Variants in TG observed in about 807,000 individuals in gnomAD.
TG encodes the protein thyroid hormones.
Under a neutral mutation model 324.7 loss-of-function variants are expected in TG, and 270 were observed. The observed-to-expected ratio is 0.83, with a 90% CI of 0.75 to 0.92. TG has a LOEUF of 0.92. TG is among the 40% of genes least tolerant of loss of function. The probability of loss-of-function intolerance (pLI) is 0.00; values close to 1 mark genes in which losing one functional copy is unlikely to be tolerated. For missense variants in TG, 3,591 were observed against 3,456.4 expected (o/e 1.04, Z -0.98); for synonymous variants, 1,401 against 1,327.0 (o/e 1.06, Z -1.21).
At chr8:132,937,957 A>T (rs1414056818) in intron 25 of TG, among the ~76,000 whole-genome samples, 1 of 152,158 alleles carries the variant, frequency 6.6e-6, no homozygotes, top group African/African-American at 2.4e-5. Context: ...AAAGCAGAAG[A>T]TGTGCCCGGC....
chr8:132,963,214 C>A, intron 29 of TG, 140 bp downstream of exon 29: 1 of 864,326 alleles, frequency 1.2e-6, no homozygotes, highest in Non-Finnish European at 1.9e-6. Context: ...ATCTTTTAAC[C>A]CAATTATCCA....
chr8:133,016,608 T>C (rs765630735), intron 37 of TG, among the ~76,000 whole-genome samples: 1 of 152,224 alleles, frequency 6.6e-6, no homozygotes, highest in Non-Finnish European at 1.5e-5. Context: ...GCAGAAAGGC[T>C]TTGTCTGTCA....
chr8:133,118,716 T>C (rs1265696886), intron 45 of TG, among the ~76,000 whole-genome samples: 1 of 152,122 alleles, frequency 6.6e-6, no homozygotes, highest in East Asian at 1.9e-4. Flanking sequence ...ACAGAGGAAG[T>C]GTGTCTCACA....
intron 35 of TG, among the ~76,000 whole-genome samples, chr8:133,009,590 T>C (rs1362524589): frequency 6.6e-6 from 1 of 151,996 alleles, no homozygotes; most frequent in Admixed American, 6.6e-5. Flanking sequence ...TGCATCCTCC[T>C]CAAATTTGTA....
At chr8:132,969,368 C>A in intron 31 of TG, 90 bp from the exon 32 acceptor site, 1 of 919,214 alleles carries the variant, frequency 1.1e-6, no homozygotes. Context: ...TAATTGGAAA[C>A]TTTCAGTCTG....
chr8:133,055,994 A>G (rs996144177), intron 41 of TG, among the ~76,000 whole-genome samples: 1 of 152,088 alleles, frequency 6.6e-6, no homozygotes, highest in Non-Finnish European at 1.5e-5. Context: ...GTATGAGGAA[A>G]TAGAGGCACA....
chr8:132,878,356 C>T (rs2467991), intron 5 of TG, among the ~76,000 whole-genome samples: 23,312 of 151,882 alleles, frequency 0.15, 1,995 homozygotes, highest in East Asian at 0.28. Context: ...CTGGCTCACA[C>T]CTGTAATCCC....
At chr8:133,004,191 G>GT (rs58997424) in intron 35 of TG, among the ~76,000 whole-genome samples, 73,174 of 151,794 alleles carry the variant, frequency 0.48, 19,293 homozygotes, top group African/African-American at 0.7. Context: ...CTCCTCCAAG[G>GT]CTTAGGGCCT....
At chr8:132,979,562 C>A (rs199730987) in intron 34 of TG, among the ~76,000 whole-genome samples, 39 of 152,200 alleles carry the variant, frequency 2.6e-4, no homozygotes, top group Admixed American at 7.2e-4. Flanking sequence ...TAACCTTTTA[C>A]TAAGCATAAA....
At chr8:132,922,520 A>G (rs571804064) in intron 21 of TG, among the ~76,000 whole-genome samples, 9 of 152,234 alleles carry the variant, frequency 5.9e-5, no homozygotes, top group Non-Finnish European at 1.0e-4. Flanking sequence ...TGTGAAGGAG[A>G]GGTGTGGGTC....
rs143929015 is a variant in TG, at chr8:132,897,671, C to A, written c.3024C>A (p.Arg1008=). 1.4e-5 allele frequency: 22 copies of A among 1,614,118 alleles called. No homozygotes were observed. The highest frequency in any genetic ancestry group is 1.7e-5 in the Non-Finnish European group (20 of 1,180,054). ...CAGCCTTAAGCTTCTATCAGAGACG[C>A]CGCTTTTCCCCGGACGACTCGGCTG... is the stretch of plus-strand genomic sequence containing the variant. The part of the protein sequence containing the change: ...AQSTLSFYQR[R]RFSPDDSAGA... The change falls in exon 12 of 48, where the codon CGC becomes CGA. Residue 1008 remains arginine, a synonymous_variant. Coordinates refer to ENST00000220616, the MANE Select transcript of TG (RefSeq NM_003235.5).
chr8:133,086,949 G>T (rs1039451722), intron 41 of TG, among the ~76,000 whole-genome samples: 1 of 152,054 alleles, frequency 6.6e-6, no homozygotes, highest in Non-Finnish European at 1.5e-5. Context: ...TTAGCATGCT[G>T]GCATTGAAAA....
At chr8:133,093,146 T>TTCTTTTCTTTTC (rs879559542) in intron 41 of TG, among the ~76,000 whole-genome samples, 23 of 139,086 alleles carry the variant, frequency 1.7e-4, no homozygotes, top group African/African-American at 5.2e-4. Flanking sequence ...TTTCTTTTTT[T>TTCTTTTCTTTTC]TTTTTAATTT....
At chr8:132,941,573 C>T in intron 26 of TG, 31 bp downstream of exon 26, 2 of 1,613,766 alleles carry the variant, frequency 1.2e-6, no homozygotes, top group South Asian at 1.1e-5. Context: ...CAGGGCCTAA[C>T]AAGGGATGGG....
intron 34 of TG, among the ~76,000 whole-genome samples, chr8:132,981,398 G>A (rs1468157205): frequency 6.6e-6 from 1 of 152,238 alleles, no homozygotes; most frequent in African/African-American, 2.4e-5. Context: ...ACCCAAGGGT[G>A]TGGACGTTTG....
In TG at chr8:132,897,745, C is replaced by A. The variant is rs780538772; in HGVS notation, c.3098C>A (p.Ala1033Glu). ...GGCCCCTACATGCCACAGTGTGATG[C>A]GTTTGGAAGTTGGGAGCCTGTGCAG... The part of the protein sequence containing the change: ...RSGPYMPQCD[A>E]FGSWEPVQCH... Residue 1033 changes from alanine to glutamate, a missense_variant, in exon 12 of 48, where the codon GCG becomes GAG. Coordinates refer to ENST00000220616, the MANE Select transcript of TG (RefSeq NM_003235.5). 1.2e-6 allele frequency: 2 copies of A among 1,614,196 alleles called. No individual in the cohort carries two copies. The highest frequency in any genetic ancestry group is 1.7e-6 in the Non-Finnish European group (2 of 1,180,036).
At chr8:132,867,151 C>A (rs79607903) in intron 1 of TG, 84 bp downstream of exon 1, 2 of 1,217,544 alleles carry the variant, frequency 1.6e-6, no homozygotes, top group South Asian at 1.3e-5. Flanking sequence ...CGAACAGGTG[C>A]GATCTAATTT....
At chr8:132,967,265 T>C (rs1467777901) in intron 30 of TG, among the ~76,000 whole-genome samples, 1 of 150,770 alleles carries the variant, frequency 6.6e-6, no homozygotes, top group African/African-American at 2.4e-5. Flanking sequence ...CATCCATCCA[T>C]TTGGCAGTTA....
intron 41 of TG, among the ~76,000 whole-genome samples, chr8:133,077,622 G>A (rs532244221): frequency 2.6e-5 from 4 of 152,300 alleles, no homozygotes; most frequent in South Asian, 2.1e-4. Context: ...GCTGAAGCCC[G>A]ATGCCACGCT....
Sources: allele counts gnomAD v4.1 joint callset (sites outside exome capture counted in the v4.1 genomes callset), GRCh38; gene constraint gnomAD v4.1.1; transcripts MANE v1.5; gene names NCBI Gene and HGNC (gene_info 2026-07-23, HGNC 2026-07-21).